FRMD1: variants seen among roughly 807,000 people sequenced by gnomAD.
The protein encoded by FRMD1 is FERM domain-containing protein 1.
Under a neutral mutation model 54.9 loss-of-function variants are expected in FRMD1, and 51 were observed. The observed-to-expected ratio is 0.93, with a 90% CI of 0.74 to 1.17. The LOEUF is 1.17. Ranked by LOEUF, FRMD1 falls within the 50% of genes most tolerant of loss-of-function variation. FRMD1 has a pLI of 0.00. For missense variants in FRMD1, 729 were observed against 743.0 expected (o/e 0.98, Z 0.22); for synonymous variants, 324 against 306.4 (o/e 1.06, Z -0.60).
chr6:168,084,980 C>A (rs1184191064), upstream of FRMD1, among the ~76,000 whole-genome samples: 2 of 152,186 alleles, frequency 1.3e-5, no homozygotes, highest in Non-Finnish European at 1.5e-5. Context: ...CCACTGCAGG[C>A]CCCGTGGACG....
At chr6:168,076,895 C>A (rs527276329) in intron 1 of FRMD1, among the ~76,000 whole-genome samples, 2 of 152,346 alleles carry the variant, frequency 1.3e-5, no homozygotes, top group African/African-American at 4.8e-5. Flanking sequence ...CAGGTGTGCA[C>A]ACACTCCAAT....
rs1045166936 is a variant in FRMD1, at chr6:168,055,654, C to G, written c.*1443G>C. ...CCAGCACTAGGCGCACCTCCCCTGC[C>G]GCACAGGAATTGTGGGCAGTCTTGC... On this transcript the variant is annotated 3_prime_UTR_variant, in exon 11 of 11. Transcript: ENST00000283309. The G allele has an allele frequency of 6.6e-6, 1 of 152,200 alleles. No individual in the cohort carries two copies. Among genetic ancestry groups the G allele is most frequent in the Non-Finnish European group, 1.5e-5 (1 of 68,042 alleles). The allele number at this position is 152,200 out of a possible 1,614,324, so 9.4% of individuals were successfully genotyped here.
Position 168,059,232 on chromosome 6 carries a change from C to T in FRMD1, c.1343-44G>A, listed in dbSNP as rs1799590508. ...GTGAGCACAGGTGTCTGGGTTCTGC[C>T]CGACATGGCTCCTCCCCAGGGCAGT... On this transcript the variant is annotated intron_variant, in intron 9 of 10. Transcript: ENST00000283309. The surrounding 1 kb of genome is among the most constrained non-coding windows in gnomAD (Gnocchi z 4.4). 2.0e-6 allele frequency: 3 copies of T among 1,515,536 alleles called. No individual in the cohort carries two copies. The highest frequency in any genetic ancestry group is 2.7e-6 in the Non-Finnish European group (3 of 1,120,894). The allele number at this position is 1,515,536 out of a possible 1,614,324, so 93.9% of individuals were successfully genotyped here.
rs12197610 is a variant in FRMD1, at chr6:168,061,946, G to C, written c.906C>G (p.Pro302=). 1 of 1,597,980 alleles carries C rather than the reference G, an allele frequency of 6.3e-7. No homozygotes were observed. Among genetic ancestry groups the C allele is most frequent in the Non-Finnish European group, 8.5e-7 (1 of 1,173,000 alleles). ...KKLEIQLDGL[P]AAQKLVYYTG... ...TGTAGTAAACCAGCTTCTGTGCTGC[G>C]GGCAGCCCATCCAGCTGGATCTCCA... Residue 302 remains proline, a synonymous_variant, in exon 8 of 11, where the codon CCC becomes CCG. Transcript: ENST00000283309.
upstream of FRMD1, among the ~76,000 whole-genome samples, chr6:168,085,600 C>T (rs1046008429): frequency 6.6e-6 from 1 of 152,248 alleles, no homozygotes; most frequent in Non-Finnish European, 1.5e-5. Flanking sequence ...AAGCCACAAC[C>T]TCTGTGAGAA....
chr6:168,083,411 C>T (rs903903315), upstream of FRMD1, among the ~76,000 whole-genome samples: 3 of 152,216 alleles, frequency 2.0e-5, no homozygotes, highest in South Asian at 2.1e-4. Flanking sequence ...CGGCAGGAAC[C>T]GCCCCAACCG....
chr6:168,086,538 ACCC>A, upstream of FRMD1, among the ~76,000 whole-genome samples: 2 of 75,312 alleles, frequency 2.7e-5, no homozygotes, highest in Non-Finnish European at 6.9e-5. Context: ...CAGCATGGAC[ACCC>A]ACATCTTCAG....
At position 168,066,905 on chromosome 6, in the gene FRMD1, G is replaced by A. The variant is rs1276036536; in HGVS notation, c.385-74C>T. The A allele has an allele frequency of 8.9e-6, 14 of 1,575,136 alleles. No homozygotes were observed. The South Asian group carries it at 9.4e-5, about 11-fold the overall frequency. On this transcript the variant is annotated intron_variant, in intron 3 of 10. Transcript: ENST00000283309. Reference sequence around the variant, plus strand: ...GCTGGCTGTCCTGTCTTCCCAGTTGGGGGGGCCTGGATTGCTTCACACTCA... The same window carrying A: ...GCTGGCTGTCCTGTCTTCCCAGTTGAGGGGGCCTGGATTGCTTCACACTCA...
At chr6:168,065,867 G>A (rs1800000979) in intron 4 of FRMD1, 7 of 1,000,072 alleles carry the variant, frequency 7.0e-6, no homozygotes, top group African/African-American at 1.7e-5. Flanking sequence ...ACCCCCTTAG[G>A]TTTTCCCCCA....
At chr6:168,067,283 G>C in intron 3 of FRMD1, 84 bp downstream of exon 3, 3 of 884,234 alleles carry the variant, frequency 3.4e-6, no homozygotes, top group Non-Finnish European at 3.6e-6. Context: ...CGCGGTGCCT[G>C]CTCTCTCCCA....
At chr6:168,075,617 T>C (rs894635600) in intron 1 of FRMD1, 13 of 817,082 alleles carry the variant, frequency 1.6e-5, no homozygotes, top group Non-Finnish European at 2.2e-5. Context: ...GTGTGAGGAT[T>C]TCCCGAGACC....
Position 168,057,210 on chromosome 6 carries a change from A to G in FRMD1, c.1537T>C (p.Cys513Arg), listed in dbSNP as rs868165506. The part of the protein sequence containing the change: ...LSHTFHRALD[C>R]RLAGPCETRA... ...GTCTCGCAGGGGCCTGCCAGCCTGCAGTCCAGGGCGCGGTGGAAGGTATGG... is the reference window on the plus strand; with the variant it reads ...GTCTCGCAGGGGCCTGCCAGCCTGCGGTCCAGGGCGCGGTGGAAGGTATGG... Residue 513 changes from cysteine (C) to arginine (R), a missense_variant, in exon 11 of 11, where the codon TGC (cysteine) becomes CGC (arginine). Physicochemically the swap from Cys to Arg is radical, Grantham distance 180. Transcript: ENST00000283309. 1 of 1,606,666 alleles carries G rather than the reference A, an allele frequency of 6.2e-7. No homozygotes were observed. The highest frequency in any genetic ancestry group is 1.7e-4 in the Middle Eastern group (1 of 6,020).
chr6:168,065,563 C>T lies in FRMD1; in HGVS notation c.462-506G>A, dbSNP rs979222430. ...TGCAAGATCTTCTCATATAATTCCC[C>T]CGAACTGGCCCCATAGCACCAGGTA... On this transcript the variant is annotated intron_variant, in intron 4 of 10. Transcript: ENST00000283309. The T allele has an allele frequency of 2.2e-5, 22 of 987,026 alleles. No individual in the cohort carries two copies. The African/African-American group carries it at 3.5e-4, about 16-fold the overall frequency. 61.1% of individuals were successfully genotyped at this position (987,026 alleles called of 1,614,324 possible).
rs1799323484 is a variant in FRMD1 at position 168,053,443 on chromosome 6, C to T, written c.*3654G>A. ...TGGCCCTGGCCATCCTGTCCTGAGA[C>T]TCCCTGCTGCTCCTACAGGTAGAGA... On this transcript the variant is annotated 3_prime_UTR_variant, in exon 11 of 11. Coordinates refer to ENST00000283309, the MANE Select transcript of FRMD1 (RefSeq NM_024919.6). The T allele has an allele frequency of 6.6e-6, 1 of 152,540 alleles. No homozygotes were observed. The highest frequency in any genetic ancestry group is 2.4e-5 in the African/African-American group (1 of 41,476). 9.4% of individuals were successfully genotyped at this position (152,540 alleles called of 1,614,324 possible).
At chr6:168,058,744 G>A (rs1016027528) in intron 10 of FRMD1, among the ~76,000 whole-genome samples, 9 of 152,174 alleles carry the variant, frequency 5.9e-5, no homozygotes, top group African/African-American at 2.2e-4. Context: ...ACAGCACTAG[G>A]CCCCGGGTGG....
upstream of FRMD1, among the ~76,000 whole-genome samples, chr6:168,082,812 T>C (rs911348961): frequency 1.3e-5 from 2 of 152,176 alleles, no homozygotes; most frequent in African/African-American, 4.8e-5. Flanking sequence ...TCATCTGACT[T>C]TTGCTGCTCT....
intron 1 of FRMD1, among the ~76,000 whole-genome samples, chr6:168,091,734 G>A (rs925656591): frequency 6.6e-6 from 1 of 152,210 alleles, no homozygotes; most frequent in Non-Finnish European, 1.5e-5. Flanking sequence ...GGCTGGAACC[G>A]AATCATAGCT....
At chr6:168,058,443 T>C (rs1583163837) in intron 10 of FRMD1, among the ~76,000 whole-genome samples, 1 of 151,702 alleles carries the variant, frequency 6.6e-6, no homozygotes, top group African/African-American at 2.4e-5. Context: ...CTCTTCTCTC[T>C]CCATCCAGCA....
chr6:168,058,348 T>C (rs1174504434), intron 10 of FRMD1, among the ~76,000 whole-genome samples: 9 of 72,462 alleles, frequency 1.2e-4, no homozygotes, highest in African/African-American at 4.2e-4. Flanking sequence ...CCATGCAGCC[T>C]CTCGTGCCCA....
Sources: gnomAD v4.1 joint callset for allele counts (sites outside exome capture counted in the v4.1 genomes callset) on GRCh38, gnomAD v4.1.1 for gene constraint, Gnocchi (gnomAD v3.1) non-coding constraint, MANE v1.5 for transcripts, NCBI Gene and HGNC (gene_info 2026-07-23, HGNC 2026-07-21) for gene names.